Variants in EXOC3L2 observed in about 807,000 individuals in gnomAD.
The protein encoded by EXOC3L2 is exocyst complex component 3 like 2, also known as exocyst complex component 3-like protein 2.
In EXOC3L2, 17 loss-of-function variants were observed where a neutral mutation model predicts 44.4. The ratio of observed to expected loss-of-function variants is 0.38; its 90% CI spans 0.26 to 0.57. The LOEUF (loss-of-function observed/expected upper bound fraction) is 0.57. Ranked by LOEUF, EXOC3L2 falls within the 20% of genes least tolerant of loss-of-function variation. The probability of loss-of-function intolerance (pLI) is 0.65; values close to 1 mark genes in which losing one functional copy is unlikely to be tolerated. For synonymous variants in EXOC3L2, 256 were observed against 253.7 expected, an observed-to-expected ratio of 1.01 and a Z score of -0.09; for missense variants, 541 against 588.4, an observed-to-expected ratio of 0.92 and a Z score of 0.83.
At chr19:45,217,734 TC>T in intron 9 of EXOC3L2, 51 bp from the exon 10 acceptor site, 4 of 1,380,772 alleles carry the variant, frequency 2.9e-6, no homozygotes, top group Non-Finnish European at 3.7e-6. Flanking sequence ...CCCCACGGAC[TC>T]CCATCCCGCC....
Position 45,228,186 on chromosome 19 carries a change from G to C in EXOC3L2, c.1350C>G (p.Ser450Arg), listed in dbSNP as rs2122975557. 1 of 1,614,140 alleles carries C rather than the reference G, an allele frequency of 6.2e-7. No individual in the cohort carries two copies. Among genetic ancestry groups the C allele is most frequent in the Non-Finnish European group, 8.5e-7 (1 of 1,180,028 alleles). The change falls in exon 5 of 12, where the codon AGC becomes AGG. Residue 450 changes from serine (S) to arginine (R), a missense_variant. Physicochemically the swap from Ser to Arg is moderately radical, Grantham distance 110. Transcript: ENST00000413988. ...HWGSLEDQPSSLAQDVCELLE... is the reference protein window; with the variant it reads ...HWGSLEDQPSRLAQDVCELLE... ...CTACCTCACACACATCCTGGGCCAGGCTGCTGGGCTGGTCCTCCAGGCTCC... is the reference window on the plus strand; with the variant it reads ...CTACCTCACACACATCCTGGGCCAGCCTGCTGGGCTGGTCCTCCAGGCTCC...
intron 9 of EXOC3L2, 46 bp from the exon 10 acceptor site, chr19:45,217,729 C>T (rs567037831): frequency 2.9e-6 from 4 of 1,383,200 alleles, no homozygotes; most frequent in African/African-American, 3.1e-5. Flanking sequence ...CCATGCCCCA[C>T]GGACTCCCAT....
rs375189540 is a variant in EXOC3L2 at position 45,222,228 on chromosome 19, C to T, written c.1719+2550G>A. Among the ~76,000 whole-genome samples, 32 of 141,902 alleles carry T rather than the reference C, an allele frequency of 2.3e-4. No individual in the cohort carries two copies. The East Asian group carries it at 6.3e-3, about 28-fold the overall frequency. 93.1% of individuals were successfully genotyped at this position (141,902 alleles called of 152,430 possible). ...TTTTTTTTTTTTTTTGAGACGGAGT[C>T]TCACTCTGTCGCCCAGGCTGAAGTA... On this transcript the variant is annotated intron_variant, in intron 8 of 11. Transcript: ENST00000413988.
intron 2 of EXOC3L2, among the ~76,000 whole-genome samples, chr19:45,235,330 A>G (rs984314455): frequency 8.6e-5 from 13 of 151,990 alleles, no homozygotes; most frequent in Non-Finnish European, 1.6e-4. Context: ...AGAGAGGGGG[A>G]AAAGAAAAAT....
rs200010286 is a variant in EXOC3L2 at position 45,229,536 on chromosome 19, ATATAT to A, written c.1270-1275_1270-1271del. Among the ~76,000 whole-genome samples, 290 of 147,916 alleles carry A rather than the reference ATATAT, an allele frequency of 2.0e-3. 5 individuals carry two copies. The East Asian group carries it at 0.054, about 27-fold the overall frequency. ...AAATCAATAATACATATTATAAATAATATATTATAAATAATATAGATACATGTGAC... is the reference window on the plus strand; with the variant it reads ...AAATCAATAATACATATTATAAATAATATAAATAATATAGATACATGTGAC... On this transcript the variant is annotated intron_variant, in intron 4 of 11. Transcript: ENST00000413988.
chr19:45,235,294 A>G lies in EXOC3L2; in HGVS notation c.524-468T>C, dbSNP rs185143607. ...TGGGCAACATGTTGAGCGAGACTCTATCTCAAAAATAAATAAATAAAAAAG... is the reference window on the plus strand; with the variant it reads ...TGGGCAACATGTTGAGCGAGACTCTGTCTCAAAAATAAATAAATAAAAAAG... On this transcript the variant is annotated intron_variant, in intron 2 of 11. Transcript: ENST00000413988. Among the ~76,000 whole-genome samples the G allele has an allele frequency of 1.1e-3, 170 of 152,234 alleles. 1 individual carries two copies. Among genetic ancestry groups the G allele is most frequent in the African/African-American group, 3.6e-3 (150 of 41,520 alleles).
At chr19:45,213,398 C>A in intron 11 of EXOC3L2, 41 bp from the exon 12 acceptor site, 1 of 1,603,084 alleles carries the variant, frequency 6.2e-7, no homozygotes, top group South Asian at 1.1e-5. Flanking sequence ...AGATCCCCAG[C>A]TCTAGACACA....
intron 8 of EXOC3L2, 82 bp from the exon 9 acceptor site, chr19:45,218,401 C>G: frequency 6.9e-7 from 1 of 1,449,570 alleles, no homozygotes; most frequent in Non-Finnish European, 9.2e-7. Context: ...TGCAACCCTG[C>G]TCCGTGTTGA....
intron 8 of EXOC3L2, among the ~76,000 whole-genome samples, chr19:45,221,303 C>T (rs12978573): frequency 0.11 from 17,362 of 151,714 alleles, 1,107 homozygotes; most frequent in African/African-American, 0.17. Context: ...CACAGCCTCC[C>T]AAAGTGCTGG....
intron 1 of EXOC3L2, among the ~76,000 whole-genome samples, chr19:45,241,451 C>T (rs1169604143): frequency 4.1e-5 from 6 of 146,028 alleles, no homozygotes; most frequent in African/African-American, 1.6e-4. Context: ...GCACTCCAGC[C>T]TGGGCGACAG....
At chr19:45,233,873 A>C (rs934338812) in intron 3 of EXOC3L2, among the ~76,000 whole-genome samples, 4 of 152,154 alleles carry the variant, frequency 2.6e-5, no homozygotes, top group Non-Finnish European at 5.9e-5. Context: ...AGATTCGGGG[A>C]CTGGAAGGGT....
intron 11 of EXOC3L2, 46 bp downstream of exon 11, chr19:45,216,027 A>T: frequency 6.2e-7 from 1 of 1,605,758 alleles, no homozygotes; most frequent in Non-Finnish European, 8.5e-7. Flanking sequence ...CCGCCAGGAG[A>T]CCTCGGCCAG....
At chr19:45,231,077 A>T (rs1970026397) in intron 4 of EXOC3L2, among the ~76,000 whole-genome samples, 1 of 151,970 alleles carries the variant, frequency 6.6e-6, no homozygotes, top group Non-Finnish European at 1.5e-5. Flanking sequence ...CAAAAGAGGG[A>T]GACATCTGTA....
At chr19:45,237,622 C>T (rs923669048) in intron 2 of EXOC3L2, among the ~76,000 whole-genome samples, 2 of 151,910 alleles carry the variant, frequency 1.3e-5, no homozygotes, top group Non-Finnish European at 2.9e-5. Context: ...ACAGAAAAGG[C>T]ACTGAGGAAG....
At chr19:45,224,733 C>G in intron 8 of EXOC3L2, 45 bp downstream of exon 8, 4 of 1,534,150 alleles carry the variant, frequency 2.6e-6, no homozygotes, top group Non-Finnish European at 3.5e-6. Flanking sequence ...GCAGCGCTTC[C>G]CTGTCCTGGC....
intron 3 of EXOC3L2, 90 bp from the exon 4 acceptor site, chr19:45,231,964 G>A: frequency 2.7e-6 from 2 of 741,760 alleles, no homozygotes; most frequent in Non-Finnish European, 4.2e-6. Context: ...CACTGTTTCT[G>A]TGACCCTGGG....
intron 7 of EXOC3L2, among the ~76,000 whole-genome samples, chr19:45,226,073 C>T (rs1041715170): frequency 6.6e-6 from 1 of 152,206 alleles, no homozygotes; most frequent in Non-Finnish European, 1.5e-5. Context: ...GATTCCACTG[C>T]TTAGCTGTCC....
At chr19:45,215,804 TC>T (rs1312510749) in intron 11 of EXOC3L2, among the ~76,000 whole-genome samples, 3 of 152,130 alleles carry the variant, frequency 2.0e-5, no homozygotes, top group Non-Finnish European at 4.4e-5. Flanking sequence ...CCTTCCTGCC[TC>T]CAGGCAGCCC....
chr19:45,244,346 C>T (rs1970153066), intron 1 of EXOC3L2, among the ~76,000 whole-genome samples: 1 of 152,094 alleles, frequency 6.6e-6, no homozygotes, highest in South Asian at 2.1e-4. Context: ...AATTTCCCTC[C>T]AATTGAAGTC....
Sources: allele counts gnomAD v4.1 joint callset (sites outside exome capture counted in the v4.1 genomes callset), GRCh38; gene constraint gnomAD v4.1.1; transcripts MANE v1.5; gene names NCBI Gene and HGNC (gene_info 2026-07-23, HGNC 2026-07-21).